ATG5: variants seen among roughly 807,000 people sequenced by gnomAD.
ATG5 encodes the protein autophagy protein 5.
A neutral mutation model predicts 36.5 loss-of-function variants in ATG5; 14 were observed. The ratio of observed to expected loss-of-function variants is 0.38; its 90% CI spans 0.25 to 0.60. ATG5 has a LOEUF of 0.60. Among genes scored for constraint, ATG5 ranks in the 20% least tolerant of loss-of-function variants. The pLI is 0.60. For missense variants in ATG5, 195 were observed against 326.7 expected, an observed-to-expected ratio of 0.60 and a Z score of 3.11; for synonymous variants, 95 against 101.5, an observed-to-expected ratio of 0.94 and a Z score of 0.38.
At chr6:106,248,085 G>T in intron 6 of ATG5, 65 bp downstream of exon 6, 1 of 1,238,258 alleles carries the variant, frequency 8.1e-7, no homozygotes, top group Non-Finnish European at 1.2e-6. Flanking sequence ...TTCTACACTA[G>T]AGTGCTTCAA....
chr6:106,310,971 T>A (rs991143651), intron 2 of ATG5, among the ~76,000 whole-genome samples: 7 of 152,234 alleles, frequency 4.6e-5, no homozygotes, highest in African/African-American at 1.7e-4. Flanking sequence ...ATGACTCTGA[T>A]ACAAGTGATT....
At chr6:106,206,430 C>A (rs928711612) in intron 6 of ATG5, among the ~76,000 whole-genome samples, 2 of 152,076 alleles carry the variant, frequency 1.3e-5, no homozygotes, top group Non-Finnish European at 2.9e-5. Context: ...TGGTGGATCA[C>A]CTGAGGTCAG....
intron 5 of ATG5, among the ~76,000 whole-genome samples, chr6:106,273,812 C>G (rs1215023871): frequency 2.6e-5 from 4 of 152,180 alleles, no homozygotes; most frequent in Non-Finnish European, 4.4e-5. Context: ...TCACACAAAC[C>G]TCCAAAGAGC....
At chr6:106,282,992 T>C (rs1362669544) in intron 4 of ATG5, among the ~76,000 whole-genome samples, 2 of 152,158 alleles carry the variant, frequency 1.3e-5, no homozygotes, top group Non-Finnish European at 2.9e-5. Flanking sequence ...GGTCTCCCTA[T>C]GTCGCCCAGG....
chr6:106,243,904 CTTTTTTTTTTTT>C lies in ATG5; in HGVS notation c.573+4234_573+4245del, dbSNP rs35701133. On this transcript the variant is annotated intron_variant, in intron 6 of 7. Coordinates refer to ENST00000369076, the MANE Select transcript of ATG5 (RefSeq NM_004849.4). ...AAAACAAAGATAAGTAGGAACCATC[CTTTTTTTTTTTT>C]TTTTTTTTTTTTTTTAAAGATAGGG... is the stretch of plus-strand genomic sequence containing the variant. Among the ~76,000 whole-genome samples the C allele has an allele frequency of 8.0e-4, 44 of 54,938 alleles. 1 individual carries two copies. Among genetic ancestry groups the C allele is most frequent in the African/African-American group, 3.1e-3 (41 of 13,348 alleles). The allele number at this position is 54,938 out of a possible 152,430, so 36.0% of individuals were successfully genotyped here.
In ATG5 at chr6:106,249,349, T is replaced by C. The variant is rs144166574; in HGVS notation, c.479-1105A>G. ...ATTTCATATAAATGAAGTAATATAA[T>C]ATGTGGTTCTTTTGCATCTGGGTTT... On this transcript the variant is annotated intron_variant, in intron 5 of 7. Transcript: ENST00000369076. 2.4e-3 allele frequency among the ~76,000 whole-genome samples: 360 copies of C among 152,300 alleles called. 1 individual carries two copies. The highest frequency in any genetic ancestry group is 8.2e-3 in the African/African-American group (339 of 41,568).
intron 6 of ATG5, among the ~76,000 whole-genome samples, chr6:106,231,453 C>T (rs557366514): frequency 2.5e-4 from 38 of 152,158 alleles, no homozygotes; most frequent in African/African-American, 8.9e-4. Flanking sequence ...TAGACCCTCA[C>T]TGGGACACAG....
At chr6:106,231,155 C>A (rs943150839) in intron 6 of ATG5, among the ~76,000 whole-genome samples, 1 of 152,174 alleles carries the variant, frequency 6.6e-6, no homozygotes, top group Non-Finnish European at 1.5e-5. Context: ...AGCCAGAGTG[C>A]ACGTACCTTT....
chr6:106,290,822 A>G (rs1274739866), intron 4 of ATG5, among the ~76,000 whole-genome samples: 2 of 152,194 alleles, frequency 1.3e-5, no homozygotes, highest in Non-Finnish European at 2.9e-5. Context: ...GAAACTTTTA[A>G]AACATCAGAT....
intron 5 of ATG5, among the ~76,000 whole-genome samples, chr6:106,275,790 T>C (rs975008143): frequency 6.6e-6 from 1 of 152,206 alleles, no homozygotes; most frequent in Non-Finnish European, 1.5e-5. Context: ...AAGATAAACA[T>C]GAGCTGTAGC....
chr6:106,246,785 T>C (rs565314780), intron 6 of ATG5, among the ~76,000 whole-genome samples: 31 of 152,344 alleles, frequency 2.0e-4, no homozygotes, highest in African/African-American at 7.0e-4. Context: ...AAGTAAGATA[T>C]TTTGCTGGGC....
intron 3 of ATG5, among the ~76,000 whole-genome samples, chr6:106,307,073 T>C (rs908528366): frequency 2.6e-5 from 4 of 152,228 alleles, no homozygotes; most frequent in African/African-American, 9.6e-5. Context: ...TGTAATCCAT[T>C]ATGAAAAATC....
At chr6:106,196,629 C>A (rs1165306790) in intron 7 of ATG5, among the ~76,000 whole-genome samples, 1 of 151,796 alleles carries the variant, frequency 6.6e-6, no homozygotes, top group South Asian at 2.1e-4. Flanking sequence ...GTGACCGAAG[C>A]ACAAGATTGC....
At chr6:106,324,274 T>C (rs1335300286) in intron 1 of ATG5, among the ~76,000 whole-genome samples, 1 of 152,246 alleles carries the variant, frequency 6.6e-6, no homozygotes, top group Non-Finnish European at 1.5e-5. Flanking sequence ...CAACTATTTA[T>C]ACAGCATTTA....
intron 6 of ATG5, among the ~76,000 whole-genome samples, chr6:106,245,652 A>G (rs557934481): frequency 2.7e-3 from 408 of 152,290 alleles, no homozygotes; most frequent in African/African-American, 8.5e-3. Flanking sequence ...TTATGCAGAA[A>G]TTCTATTAGG....
chr6:106,238,435 T>C (rs1335602154), intron 6 of ATG5, among the ~76,000 whole-genome samples: 1 of 152,238 alleles, frequency 6.6e-6, no homozygotes, highest in East Asian at 1.9e-4. Flanking sequence ...CAACTATACT[T>C]GGATGGGATT....
intron 6 of ATG5, among the ~76,000 whole-genome samples, chr6:106,221,559 G>GCACA (rs1777248928): frequency 6.6e-6 from 1 of 151,610 alleles, no homozygotes; most frequent in African/African-American, 2.4e-5. Flanking sequence ...GGTGGTGTGC[G>GCACA]CCTGTAGTCC....
At chr6:106,189,859 A>G (rs890759470) in intron 7 of ATG5, among the ~76,000 whole-genome samples, 1 of 152,158 alleles carries the variant, frequency 6.6e-6, no homozygotes, top group African/African-American at 2.4e-5. Context: ...TTTTTAAAAA[A>G]AGCTAGCTTG....
intron 2 of ATG5, among the ~76,000 whole-genome samples, chr6:106,313,557 GA>G (rs1770734032): frequency 6.6e-6 from 1 of 151,958 alleles, no homozygotes; most frequent in African/African-American, 2.4e-5. Flanking sequence ...GAACATAAAC[GA>G]AAAAATACAA....
Sources: gnomAD v4.1 joint callset for allele counts (sites outside exome capture counted in the v4.1 genomes callset) on GRCh38, gnomAD v4.1.1 for gene constraint, MANE v1.5 for transcripts, NCBI Gene and HGNC (gene_info 2026-07-23, HGNC 2026-07-21) for gene names.